Variants in DLG2 observed in about 807,000 individuals in gnomAD.
The protein encoded by DLG2 is disks large homolog 2.
In DLG2, 45 loss-of-function variants were observed where a neutral mutation model predicts 132.5. The observed-to-expected ratio is 0.34, with a 90% CI of 0.27 to 0.44. The LOEUF (loss-of-function observed/expected upper bound fraction) is 0.44. Ranked by LOEUF, DLG2 falls within the 20% of genes least tolerant of loss-of-function variation. The pLI, the probability that DLG2 is intolerant of heterozygous loss-of-function variation, is 1.00. For synonymous variants in DLG2, 424 were observed against 419.6 expected (o/e 1.01, Z -0.13); for missense variants, 1,045 against 1,196.9 (o/e 0.87, Z 1.87).
At chr11:85,261,810 G>T (rs1286060114) in intron 4 of DLG2, among the ~76,000 whole-genome samples, 2 of 152,118 alleles carry the variant, frequency 1.3e-5, no homozygotes, top group Non-Finnish European at 2.9e-5. Flanking sequence ...TGAGGAGAAG[G>T]GTCCCTGATA....
chr11:83,804,540 C>T (rs1170786367), intron 17 of DLG2, among the ~76,000 whole-genome samples: 1 of 150,174 alleles, frequency 6.7e-6, no homozygotes, highest in Admixed American at 6.7e-5. Context: ...CTTCCTCCTT[C>T]TCACTCTCTC....
At chr11:83,956,361 G>T (rs1194771437) in intron 14 of DLG2, among the ~76,000 whole-genome samples, 1 of 152,186 alleles carries the variant, frequency 6.6e-6, no homozygotes, top group Non-Finnish European at 1.5e-5. Flanking sequence ...CTAACATACT[G>T]CTGTCTACAA....
At chr11:84,841,617 C>T (rs1479363470) in intron 6 of DLG2, among the ~76,000 whole-genome samples, 1 of 151,942 alleles carries the variant, frequency 6.6e-6, no homozygotes, top group Admixed American at 6.6e-5. Context: ...ATTCTATGAA[C>T]AAATGAATCT....
intron 9 of DLG2, among the ~76,000 whole-genome samples, chr11:84,159,753 G>A (rs2095505597): frequency 6.6e-6 from 1 of 152,138 alleles, no homozygotes; most frequent in Admixed American, 6.5e-5. Context: ...GGGTAAAAGT[G>A]GAAGCTATTA....
chr11:85,216,324 T>C (rs1378301871), intron 4 of DLG2, among the ~76,000 whole-genome samples: 3 of 151,976 alleles, frequency 2.0e-5, no homozygotes, highest in Non-Finnish European at 2.9e-5. Flanking sequence ...AAATAGGCCA[T>C]TTTTTTCATG....
intron 2 of DLG2, among the ~76,000 whole-genome samples, chr11:85,609,091 G>A (rs2080804185): frequency 6.6e-6 from 1 of 152,092 alleles, no homozygotes; most frequent in South Asian, 2.1e-4. Flanking sequence ...TGTTCTAGAA[G>A]GACTAAGGAG....
intron 3 of DLG2, among the ~76,000 whole-genome samples, chr11:85,401,274 G>A (rs1162973482): frequency 6.6e-6 from 1 of 152,080 alleles, no homozygotes; most frequent in African/African-American, 2.4e-5. Flanking sequence ...AAAGGCCTTT[G>A]ACAAAATTTA....
Position 85,276,214 on chromosome 11 carries a change from C to T in DLG2, c.186+9006G>A, listed in dbSNP as rs75187447. Among the ~76,000 whole-genome samples, 268 of 152,278 alleles carry T rather than the reference C, an allele frequency of 1.8e-3. 2 individuals are homozygous for T. The highest frequency in any genetic ancestry group is 6.0e-3 in the African/African-American group (251 of 41,574). ...AAGTTGGATTGACCTCCATATAACA[C>T]AGGCTCCTTTCTCTGCGGGAGAAAA... On this transcript the variant is annotated intron_variant, in intron 4 of 27. Transcript: ENST00000376104.
chr11:84,638,041 G>T (rs868319313), intron 6 of DLG2, among the ~76,000 whole-genome samples: 1 of 152,192 alleles, frequency 6.6e-6, no homozygotes, highest in Non-Finnish European at 1.5e-5. Flanking sequence ...ATGAAAACGT[G>T]TTTGCTTGTT....
intron 6 of DLG2, among the ~76,000 whole-genome samples, chr11:85,020,457 T>C (rs958680460): frequency 3.9e-5 from 6 of 152,200 alleles, no homozygotes; most frequent in Non-Finnish European, 7.3e-5. Flanking sequence ...TACAGCTCTT[T>C]AGTTTAGTTA....
intron 6 of DLG2, among the ~76,000 whole-genome samples, chr11:84,808,974 T>G (rs2076278678): frequency 6.6e-6 from 1 of 151,976 alleles, no homozygotes; most frequent in African/African-American, 2.4e-5. Context: ...ATTAAAATAC[T>G]TCAGACAAAA....
intron 12 of DLG2, among the ~76,000 whole-genome samples, chr11:83,975,754 A>G (rs1044253604): frequency 5.9e-5 from 9 of 152,006 alleles, no homozygotes; most frequent in Non-Finnish European, 1.3e-4. Flanking sequence ...AGAAGTGGAA[A>G]GACATAGCTC....
At chr11:84,711,410 C>T (rs1040110453) in intron 6 of DLG2, among the ~76,000 whole-genome samples, 1 of 135,212 alleles carries the variant, frequency 7.4e-6, no homozygotes, top group African/African-American at 2.7e-5. Context: ...CTCCCCCACC[C>T]CCTCCCCCAC....
At chr11:84,419,780 C>G (rs948723620) in intron 7 of DLG2, among the ~76,000 whole-genome samples, 1 of 152,180 alleles carries the variant, frequency 6.6e-6, no homozygotes, top group Non-Finnish European at 1.5e-5. Flanking sequence ...GAGCCTCCTG[C>G]TGACAAAAGG....
intron 17 of DLG2, among the ~76,000 whole-genome samples, chr11:83,804,579 G>GACACACACACACACACACACACACACAC (rs61221099): frequency 7.0e-6 from 1 of 142,030 alleles, no homozygotes; most frequent in East Asian, 2.1e-4. Flanking sequence ...CCTAGCAGAA[G>GACACACACACACACACACACACACACAC]ACACACACAC....
chr11:84,977,092 C>T (rs556708187), intron 6 of DLG2, among the ~76,000 whole-genome samples: 6 of 152,118 alleles, frequency 3.9e-5, no homozygotes, highest in African/African-American at 1.4e-4. Flanking sequence ...CAAGTGTTTA[C>T]TTGTCTTTGA....
At position 85,614,317 on chromosome 11, in the gene DLG2, GTTT is replaced by G. The variant is rs771726799; in HGVS notation, c.-93+12267_-93+12269del. 1.0e-3 allele frequency among the ~76,000 whole-genome samples: 149 copies of G among 148,528 alleles called. 1 individual carries two copies. Among genetic ancestry groups the G allele is most frequent in the Middle Eastern group, 3.5e-3 (1 of 284 alleles). On this transcript the variant is annotated intron_variant, in intron 2 of 27. Transcript: ENST00000376104. ...AACAGAAAAGTTAGTCTTGAACCAGGTTTTTTTTTTTTTTTAAAAATTAACATT... is the reference window on the plus strand; with the variant it reads ...AACAGAAAAGTTAGTCTTGAACCAGGTTTTTTTTTTTTAAAAATTAACATT...
intron 11 of DLG2, among the ~76,000 whole-genome samples, chr11:84,015,446 C>T (rs1044256926): frequency 8.6e-5 from 13 of 152,038 alleles, no homozygotes; most frequent in African/African-American, 3.1e-4. Context: ...TAACGGTGTG[C>T]CATGGTGGTT....
intron 7 of DLG2, among the ~76,000 whole-genome samples, chr11:84,421,558 C>G (rs1221300582): frequency 6.6e-6 from 1 of 152,188 alleles, no homozygotes; most frequent in East Asian, 1.9e-4. Context: ...TTCTAATACA[C>G]TCTCCACATT....
Sources: gnomAD v4.1 joint callset for allele counts (sites outside exome capture counted in the v4.1 genomes callset) on GRCh38, gnomAD v4.1.1 for gene constraint, MANE v1.5 for transcripts, NCBI Gene and HGNC (gene_info 2026-07-23, HGNC 2026-07-21) for gene names.